Variants in LDB2 observed in about 807,000 individuals in gnomAD.
LDB2 encodes LIM domain-binding protein 2.
A neutral mutation model predicts 44.3 loss-of-function variants in LDB2; 12 were observed. That is an observed-to-expected ratio of 0.27 (90% CI 0.17 to 0.44). The LOEUF is 0.44. Ranked by LOEUF, LDB2 falls within the 20% of genes least tolerant of loss-of-function variation. The pLI is 1.00. For missense variants in LDB2, 344 were observed against 473.5 expected (o/e 0.73, Z 2.54); for synonymous variants, 164 against 174.8 (o/e 0.94, Z 0.49).
At chr4:16,769,320 G>C (rs191368207) in intron 1 of LDB2, among the ~76,000 whole-genome samples, 35 of 151,028 alleles carry the variant, frequency 2.3e-4, no homozygotes, top group Admixed American at 2.6e-4. Flanking sequence ...TTTTGAGATG[G>C]AGTTTCCCTC....
chr4:16,710,312 C>T (rs1755589621), intron 2 of LDB2, among the ~76,000 whole-genome samples: 1 of 152,150 alleles, frequency 6.6e-6, no homozygotes, highest in Non-Finnish European at 1.5e-5. Context: ...GCCATGAATA[C>T]ATACAGTCTG....
At position 16,765,169 on chromosome 4, in the gene LDB2, T is replaced by C. The variant is rs114493923; in HGVS notation, c.133-5909A>G. Among the ~76,000 whole-genome samples, 266 of 152,314 alleles carry C rather than the reference T, an allele frequency of 1.7e-3. 2 individuals are homozygous for C. Among genetic ancestry groups the C allele is most frequent in the Non-Finnish European group, 2.9e-3 (194 of 68,024 alleles). On this transcript the variant is annotated intron_variant, in intron 1 of 7. Coordinates refer to ENST00000304523, the MANE Select transcript of LDB2 (RefSeq NM_001290.5). ...ATCTGGGACTGGCAGATATAAGAGA[T>C]ACAACATTTTGTGCATCTAAGCTAA... is the stretch of plus-strand genomic sequence containing the variant.
intron 4 of LDB2, among the ~76,000 whole-genome samples, chr4:16,587,608 C>CA (rs1717456350): frequency 6.6e-6 from 1 of 151,886 alleles, no homozygotes; most frequent in Non-Finnish European, 1.5e-5. Flanking sequence ...GGGGGTGCAA[C>CA]AAAAAGCATA....
At chr4:16,575,080 C>T (rs907256621) in intron 5 of LDB2, among the ~76,000 whole-genome samples, 3 of 152,094 alleles carry the variant, frequency 2.0e-5, no homozygotes, top group Non-Finnish European at 4.4e-5. Context: ...ATGACACCAA[C>T]AATTTGAACA....
chr4:16,655,896 C>CATTTTTT (rs1739662320), intron 2 of LDB2, among the ~76,000 whole-genome samples: 1 of 93,320 alleles, frequency 1.1e-5, no homozygotes, highest in African/African-American at 4.4e-5. Context: ...TGCAAGAAAA[C>CATTTTTT]TTTTTTTTTT....
chr4:16,610,624 C>T (rs1452387439), intron 2 of LDB2, among the ~76,000 whole-genome samples: 1 of 151,504 alleles, frequency 6.6e-6, no homozygotes, highest in Non-Finnish European at 1.5e-5. Context: ...AGCTTGGAGA[C>T]CACCTTACTG....
At position 16,821,746 on chromosome 4, in the gene LDB2, C is replaced by CAAAAAAAAAAAAAAAAA. The variant is rs562184189; in HGVS notation, c.133-62503_133-62487dup. Among the ~76,000 whole-genome samples the CAAAAAAAAAAAAAAAAA allele has an allele frequency of 1.4e-3, 84 of 61,708 alleles. 6 individuals are homozygous for CAAAAAAAAAAAAAAAAA. The highest frequency in any genetic ancestry group is 2.8e-3 in the East Asian group (5 of 1,794). 40.5% of individuals were successfully genotyped at this position (61,708 alleles called of 152,430 possible). On this transcript the variant is annotated intron_variant, in intron 1 of 7. Transcript: ENST00000304523. Reference sequence around the variant, plus strand: ...AATGGAAACCATTCCAACATTAAAGCAAAAAAAAAAAAAAAAAAAAAAAAT... The same window carrying CAAAAAAAAAAAAAAAAA: ...AATGGAAACCATTCCAACATTAAAGCAAAAAAAAAAAAAAAAAAAAAAAAAAAAAAAAAAAAAAAAAT...
At chr4:16,534,393 A>G (rs1288195869) in intron 5 of LDB2, among the ~76,000 whole-genome samples, 1 of 152,130 alleles carries the variant, frequency 6.6e-6, no homozygotes, top group Non-Finnish European at 1.5e-5. Context: ...TTGCCTCATA[A>G]TTTCCATTCC....
chr4:16,611,892 C>T (rs2152465738), intron 2 of LDB2, among the ~76,000 whole-genome samples: 1 of 152,274 alleles, frequency 6.6e-6, no homozygotes, highest in Non-Finnish European at 1.5e-5. Flanking sequence ...ACTCTCTACC[C>T]TAAATCAATA....
At chr4:16,588,624 C>G in intron 4 of LDB2, 86 bp downstream of exon 4, 1 of 1,387,674 alleles carries the variant, frequency 7.2e-7, no homozygotes, top group Non-Finnish European at 1.0e-6. Context: ...AATTCTTTCA[C>G]AGAGAGAGGA....
intron 1 of LDB2, among the ~76,000 whole-genome samples, chr4:16,808,316 C>G (rs879930232): frequency 2.6e-5 from 4 of 152,140 alleles, no homozygotes; most frequent in Admixed American, 2.6e-4. Context: ...CAGCAAGACA[C>G]AGACATGGCT....
rs114109675 is a variant in LDB2 at position 16,893,336 on chromosome 4, A to G, written c.132+5018T>C. Reference sequence around the variant, plus strand: ...GGGGGAGAAACCTCCAAGTTACCACAAAGCATTTTTTCTTTTTCTCCACCT... The same window carrying G: ...GGGGGAGAAACCTCCAAGTTACCACGAAGCATTTTTTCTTTTTCTCCACCT... On this transcript the variant is annotated intron_variant, in intron 1 of 7. Transcript: ENST00000304523. 4.0e-3 allele frequency among the ~76,000 whole-genome samples: 605 copies of G among 152,232 alleles called. 1 individual carries two copies. The highest frequency in any genetic ancestry group is 6.8e-3 in the South Asian group (33 of 4,820).
chr4:16,877,066 C>T (rs565348059), intron 1 of LDB2, among the ~76,000 whole-genome samples: 3 of 152,140 alleles, frequency 2.0e-5, no homozygotes, highest in Admixed American at 6.5e-5. Context: ...TGCCACCACA[C>T]CTAACTAGAG....
intron 1 of LDB2, among the ~76,000 whole-genome samples, chr4:16,760,037 C>T (rs1767558154): frequency 6.6e-6 from 1 of 152,088 alleles, no homozygotes; most frequent in African/African-American, 2.4e-5. Context: ...GAAGAAGGCC[C>T]CTCTCACAGT....
chr4:16,669,892 C>T (rs527569847), intron 2 of LDB2, among the ~76,000 whole-genome samples: 9 of 152,348 alleles, frequency 5.9e-5, no homozygotes, highest in East Asian at 1.9e-4. Flanking sequence ...TCAGCAAACT[C>T]GTTGGAGGTC....
intron 1 of LDB2, among the ~76,000 whole-genome samples, chr4:16,845,663 T>C (rs531943831): frequency 6.6e-6 from 1 of 152,318 alleles, no homozygotes; most frequent in East Asian, 1.9e-4. Flanking sequence ...ATAGGACTTA[T>C]GAAATACCTA....
chr4:16,683,130 G>T (rs897847628), intron 2 of LDB2, among the ~76,000 whole-genome samples: 1 of 152,018 alleles, frequency 6.6e-6, no homozygotes, highest in Non-Finnish European at 1.5e-5. Context: ...ATGGAGTACC[G>T]CACCTCCCCC....
At chr4:16,869,688 T>C (rs1392163797) in intron 1 of LDB2, among the ~76,000 whole-genome samples, 1 of 152,178 alleles carries the variant, frequency 6.6e-6, no homozygotes, top group Non-Finnish European at 1.5e-5. Context: ...TCTAAAATTA[T>C]GACTATTATT....
chr4:16,634,287 T>C (rs149367), intron 2 of LDB2, among the ~76,000 whole-genome samples: 141,950 of 141,952 alleles, frequency 1, 70,974 homozygotes, highest in Non-Finnish European at 1. Flanking sequence ...CTAAAGTCTT[T>C]TGCACGGCCA....
Sources: gnomAD v4.1 joint callset for allele counts (sites outside exome capture counted in the v4.1 genomes callset) on GRCh38, gnomAD v4.1.1 for gene constraint, MANE v1.5 for transcripts, NCBI Gene and HGNC (gene_info 2026-07-23, HGNC 2026-07-21) for gene names.